TPD52: variants seen among roughly 807,000 people sequenced by gnomAD.
TPD52 encodes the protein tumor protein D52, also known as prostate and colon associated protein.
In TPD52, 17 loss-of-function variants were observed where a neutral mutation model predicts 31.3. The observed-to-expected ratio is 0.54, with a 90% CI of 0.37 to 0.82. TPD52 has a LOEUF of 0.82. TPD52 is among the 40% of genes least tolerant of loss of function. The pLI is 0.00. For synonymous variants in TPD52, 83 were observed against 89.6 expected, an observed-to-expected ratio of 0.93 and a Z score of 0.42; for missense variants, 212 against 240.1, an observed-to-expected ratio of 0.88 and a Z score of 0.77.
At chr8:80,139,067 T>G (rs1009161178) in intron 1 of TPD52, among the ~76,000 whole-genome samples, 1 of 152,078 alleles carries the variant, frequency 6.6e-6, no homozygotes. Flanking sequence ...CAACTGACAC[T>G]GCAGCCCCCA....
chr8:80,153,734 G>C (rs1810740759), intron 1 of TPD52, among the ~76,000 whole-genome samples: 1 of 152,092 alleles, frequency 6.6e-6, no homozygotes, highest in Non-Finnish European at 1.5e-5. Flanking sequence ...TCTTGGGGAG[G>C]TCCTTAATCT....
chr8:80,133,758 C>T (rs1182841324), intron 1 of TPD52, among the ~76,000 whole-genome samples: 2 of 148,822 alleles, frequency 1.3e-5, no homozygotes, highest in East Asian at 2.0e-4. Flanking sequence ...TTGATGGTAC[C>T]GCTGATGCTA....
At position 80,109,239 on chromosome 8, in the gene TPD52, T is replaced by A. The variant is rs1051677531; in HGVS notation, c.20-44646A>T. Among the ~76,000 whole-genome samples, 16 of 152,252 alleles carry A rather than the reference T, an allele frequency of 1.1e-4. No individual in the cohort carries two copies. In the East Asian group the frequency reaches 1.9e-3, roughly 18 times the overall value. On this transcript the variant is annotated intron_variant, in intron 1 of 7. Coordinates refer to ENST00000518937, the MANE Select transcript of TPD52 (RefSeq NM_001025253.3). Reference sequence around the variant, plus strand: ...TTTGCCTTGGTTTGGCTTCCTAGATTTAAGAGGTTTTTTTAAAAGTTCAAT... The same window carrying A: ...TTTGCCTTGGTTTGGCTTCCTAGATATAAGAGGTTTTTTTAAAAGTTCAAT...
At chr8:80,099,453 A>G (rs1806569046) in intron 1 of TPD52, among the ~76,000 whole-genome samples, 1 of 152,226 alleles carries the variant, frequency 6.6e-6, no homozygotes, top group Non-Finnish European at 1.5e-5. Flanking sequence ...ACCATCTGCA[A>G]AGAACCTTCC....
chr8:80,151,731 A>C (rs1810580218), intron 1 of TPD52, among the ~76,000 whole-genome samples: 1 of 152,130 alleles, frequency 6.6e-6, no homozygotes, highest in Admixed American at 6.6e-5. Flanking sequence ...TTGTTCCCTT[A>C]TAAAAGGCAC....
At chr8:80,082,469 G>T (rs1371998185) in intron 1 of TPD52, among the ~76,000 whole-genome samples, 2 of 152,156 alleles carry the variant, frequency 1.3e-5, no homozygotes, top group Non-Finnish European at 2.9e-5. Flanking sequence ...GGCATTAGAA[G>T]GTAATTAATA....
Position 80,044,199 on chromosome 8 carries a change from G to A in TPD52, c.423C>T (p.Ser141=), listed in dbSNP as rs764257300. ...QAFSHSFSIR[S]IQHSISMPAM... ...CAGGCATGCTAATTGAATGCTGAAT[G>A]GAACGTATACTAAGAGGCAGCATTA... is the stretch of plus-strand genomic sequence containing the variant. The change falls in exon 6 of 8, where the codon TCC becomes TCT. Residue 141 remains serine, a synonymous_variant. Transcript: ENST00000518937. The A allele has an allele frequency of 2.5e-6, 4 of 1,584,320 alleles. No individual in the cohort carries two copies. The South Asian group carries it at 3.5e-5, about 14-fold the overall frequency.
At chr8:80,063,951 AAG>A (rs1379144404) in intron 2 of TPD52, among the ~76,000 whole-genome samples, 2 of 130,664 alleles carry the variant, frequency 1.5e-5, no homozygotes, top group Non-Finnish European at 3.3e-5. Flanking sequence ...AAAGAGAAAA[AAG>A]AGAAGCCAGA....
chr8:80,057,111 T>C (rs927677008), intron 2 of TPD52, among the ~76,000 whole-genome samples: 3 of 152,160 alleles, frequency 2.0e-5, no homozygotes, highest in Non-Finnish European at 4.4e-5. Flanking sequence ...GAGGTTGCAG[T>C]GAGCTGAGAT....
At chr8:80,161,036 C>G (rs1811328093) in intron 1 of TPD52, among the ~76,000 whole-genome samples, 1 of 151,822 alleles carries the variant, frequency 6.6e-6, no homozygotes, top group South Asian at 2.1e-4. Flanking sequence ...CACTGCACTC[C>G]AGCCTGGGCA....
chr8:80,081,085 T>C (rs962505005), intron 1 of TPD52, among the ~76,000 whole-genome samples: 1 of 151,714 alleles, frequency 6.6e-6, no homozygotes, highest in African/African-American at 2.4e-5. Context: ...TGTATTTCCA[T>C]GATTACTTTA....
At chr8:80,170,409 C>CA (rs936712858) in intron 1 of TPD52, among the ~76,000 whole-genome samples, 4 of 150,044 alleles carry the variant, frequency 2.7e-5, no homozygotes, top group African/African-American at 7.4e-5. Context: ...GGTGGAGACT[C>CA]AAAAAAACAA....
intron 7 of TPD52, among the ~76,000 whole-genome samples, chr8:80,041,615 A>G (rs761873033): frequency 6.6e-6 from 1 of 152,216 alleles, no homozygotes; most frequent in Non-Finnish European, 1.5e-5. Context: ...AGCTTTGAAT[A>G]TAATCTCAAA....
At chr8:80,067,935 GTC>G (rs1813341127) in intron 1 of TPD52, among the ~76,000 whole-genome samples, 1 of 151,938 alleles carries the variant, frequency 6.6e-6, no homozygotes, top group African/African-American at 2.4e-5. Flanking sequence ...TGAAAATAGA[GTC>G]TGGCTTTTGG....
chr8:80,170,359 T>C (rs1317860779), intron 1 of TPD52, among the ~76,000 whole-genome samples: 1 of 152,096 alleles, frequency 6.6e-6, no homozygotes, highest in Non-Finnish European at 1.5e-5. Flanking sequence ...GAGGTTGCAG[T>C]GAGCTGAGAT....
chr8:80,051,872 AAAGGCAGGGCCAAAG>A, intron 3 of TPD52: 1 of 403,452 alleles, frequency 2.5e-6, no homozygotes, highest in Non-Finnish European at 4.4e-6. Context: ...AGAGTCCTAT[AAAGGCAGGGCCAAAG>A]AAGTCAAGGT....
intron 5 of TPD52, among the ~76,000 whole-genome samples, chr8:80,045,999 T>A: frequency 6.6e-6 from 1 of 152,166 alleles, no homozygotes; most frequent in East Asian, 1.9e-4. Flanking sequence ...AACAGGTGGA[T>A]AAGTAAGTGC....
At chr8:80,059,939 G>A (rs1414641175) in intron 2 of TPD52, among the ~76,000 whole-genome samples, 4 of 151,710 alleles carry the variant, frequency 2.6e-5, no homozygotes, top group Non-Finnish European at 5.9e-5. Flanking sequence ...AAATTAGTCA[G>A]GCGTGGTGGT....
intron 2 of TPD52, among the ~76,000 whole-genome samples, chr8:80,059,274 G>A (rs1358021742): frequency 6.6e-6 from 1 of 152,044 alleles, no homozygotes; most frequent in African/African-American, 2.4e-5. Flanking sequence ...AACAAAAACA[G>A]TGTATTAAAA....
Sources: gnomAD v4.1 joint callset for allele counts (sites outside exome capture counted in the v4.1 genomes callset) on GRCh38, gnomAD v4.1.1 for gene constraint, MANE v1.5 for transcripts, NCBI Gene and HGNC (gene_info 2026-07-23, HGNC 2026-07-21) for gene names.